The following ATR variants were observed in gnomAD, a reference collection of about 807,000 sequenced individuals.
ATR encodes serine/threonine-protein kinase ATR.
A neutral mutation model predicts 305.3 loss-of-function variants in ATR; 142 were observed. The observed-to-expected ratio is 0.47, with a 90% CI of 0.41 to 0.53. The LOEUF is 0.53. Among genes scored for constraint, ATR ranks in the 20% least tolerant of loss-of-function variants. The pLI, the probability that ATR is intolerant of heterozygous loss-of-function variation, is 0.00. For missense variants in ATR, 2,135 were observed against 3,133.1 expected, an observed-to-expected ratio of 0.68 and a Z score of 7.60; for synonymous variants, 1,050 against 1,068.1, an observed-to-expected ratio of 0.98 and a Z score of 0.33.
Position 142,558,577 on chromosome 3 carries a change from GATAGATAA to G in ATR, c.1885+39_1885+46del, listed in dbSNP as rs761458670. On this transcript the variant is annotated intron_variant, in intron 8 of 46. Coordinates refer to ENST00000350721, the MANE Select transcript of ATR (RefSeq NM_001184.4). ...AAATAAATAGATAGATAGATAGATA[GATAGATAA>G]ATAAAACAAACCACACACACATTCT... The G allele has an allele frequency of 5.8e-5, 86 of 1,481,216 alleles. 1 individual carries two copies. The highest frequency in any genetic ancestry group is 5.1e-4 in the African/African-American group (37 of 71,956). The allele number at this position is 1,481,216 out of a possible 1,614,324, so 91.8% of individuals were successfully genotyped here.
At chr3:142,522,175 T>C (rs1334497432) in intron 23 of ATR, among the ~76,000 whole-genome samples, 1 of 152,212 alleles carries the variant, frequency 6.6e-6, no homozygotes, top group Non-Finnish European at 1.5e-5. Flanking sequence ...AGAAGATGGT[T>C]AGCATTTTTT....
chr3:142,452,316 A>T, intron 46 of ATR: 1 of 987,864 alleles, frequency 1.0e-6, no homozygotes, highest in African/African-American at 1.7e-5. Context: ...TACAAGACTT[A>T]TTAAAGATGT....
At chr3:142,519,637 T>C in intron 24 of ATR, 32 bp downstream of exon 24, 1 of 1,557,286 alleles carries the variant, frequency 6.4e-7, no homozygotes, top group Non-Finnish European at 8.8e-7. Flanking sequence ...TAAAAACAAT[T>C]TTATGAAAAT....
intron 28 of ATR, among the ~76,000 whole-genome samples, chr3:142,506,153 T>C (rs2032223845): frequency 6.6e-6 from 1 of 152,142 alleles, no homozygotes; most frequent in Non-Finnish European, 1.5e-5. Flanking sequence ...AAGAAGTGAC[T>C]GCAGTATAAA....
intron 36 of ATR, among the ~76,000 whole-genome samples, chr3:142,470,806 T>C (rs1372614392): frequency 1.3e-5 from 2 of 152,182 alleles, no homozygotes; most frequent in Admixed American, 6.5e-5. Flanking sequence ...TTCTGCACCA[T>C]CCTACAAACC....
Position 142,553,210 on chromosome 3 carries a change from C to A in ATR, c.2805+17G>T. ...GTACTGCTGTTGCCTATAGTCCAGA[C>A]AAACGCTGACTCTTACCTGACAGAT... On this transcript the variant is annotated intron_variant, in intron 13 of 46. Coordinates refer to ENST00000350721, the MANE Select transcript of ATR (RefSeq NM_001184.4). 1.2e-6 allele frequency: 2 copies of A among 1,613,646 alleles called. No individual in the cohort carries two copies. The highest frequency in any genetic ancestry group is 2.2e-5 in the East Asian group (1 of 44,866).
chr3:142,455,883 CAAATT>C (rs1440201767), intron 45 of ATR, among the ~76,000 whole-genome samples: 2 of 152,120 alleles, frequency 1.3e-5, no homozygotes, highest in African/African-American at 4.8e-5. Flanking sequence ...AAGAAAAAAA[CAAATT>C]AGACTGCATC....
chr3:142,568,101 C>T lies in ATR; in HGVS notation c.113G>A (p.Cys38Tyr). The change falls in exon 2 of 47, where the codon TGT becomes TAT. Residue 38 changes from cysteine to tyrosine, a missense_variant. Transcript: ENST00000350721. ...TVVQKPRQIL[C>Y]QFIDRILTDV... ...TGTAAGTATCCGGTCAATGAATTGA[C>T]ACAGAATTTGTCTTGGCTTCTGTAC... 6.2e-7 allele frequency: 1 copy of T among 1,612,526 alleles called. No individual in the cohort carries two copies. The highest frequency in any genetic ancestry group is 8.5e-7 in the Non-Finnish European group (1 of 1,179,056).
intron 44 of ATR, 63 bp downstream of exon 44, chr3:142,458,895 C>T (rs563169447): frequency 5.8e-6 from 9 of 1,552,860 alleles, no homozygotes; most frequent in South Asian, 1.1e-5. Flanking sequence ...AAGGAAGATA[C>T]AGTTGTTGAG....
At chr3:142,543,195 A>G (rs2034120031) in intron 16 of ATR, among the ~76,000 whole-genome samples, 2 of 152,240 alleles carry the variant, frequency 1.3e-5, no homozygotes, top group South Asian at 4.1e-4. Flanking sequence ...GTATTCTACC[A>G]GAATAATGAT....
At chr3:142,468,736 T>C (rs1384110583) in intron 38 of ATR, among the ~76,000 whole-genome samples, 3 of 152,168 alleles carry the variant, frequency 2.0e-5, no homozygotes, top group Admixed American at 6.5e-5. Flanking sequence ...ATGCCTGTAA[T>C]TCCAGCACTT....
At position 142,498,727 on chromosome 3, in the gene ATR, A is replaced by C; in HGVS notation, c.5428T>G (p.Ser1810Ala). ...GCTGTGATATCTCTTTTTTTGGCTG[A>C]TAATAATAGCTGTCCCAGTCTGACA... ...WSVRLGQLLL[S>A]AKKRDITAFY... The change falls in exon 32 of 47, where the codon TCA becomes GCA. Residue 1810 changes from serine to alanine, a missense_variant. This residue lies in a region of ATR where 117 missense variants were observed against 198.3 expected (regional missense o/e 0.59). Coordinates refer to ENST00000350721, the MANE Select transcript of ATR (RefSeq NM_001184.4). 1.2e-6 allele frequency: 2 copies of C among 1,614,056 alleles called. No individual in the cohort carries two copies. Among genetic ancestry groups the C allele is most frequent in the Non-Finnish European group, 8.5e-7 (1 of 1,179,986 alleles).
chr3:142,505,876 A>G (rs1393706351), intron 28 of ATR, among the ~76,000 whole-genome samples: 1 of 152,240 alleles, frequency 6.6e-6, no homozygotes, highest in African/African-American at 2.4e-5. Context: ...ACATTTATCA[A>G]GAAGGAAGAG....
At chr3:142,451,788 T>C in intron 46 of ATR, 1 of 1,216,352 alleles carries the variant, frequency 8.2e-7, no homozygotes, top group Non-Finnish European at 1.0e-6. Context: ...CAGGGCTGGC[T>C]TTGTCCAGTT....
chr3:142,500,542 C>T (rs989763177), intron 30 of ATR, among the ~76,000 whole-genome samples: 2 of 152,106 alleles, frequency 1.3e-5, no homozygotes, highest in African/African-American at 2.4e-5. Context: ...CTGCATACAG[C>T]ACATATATAT....
chr3:142,540,864 CAAA>C (rs201551475), intron 18 of ATR, 37 bp downstream of exon 18: 20 of 1,386,940 alleles, frequency 1.4e-5, no homozygotes, highest in Admixed American at 6.4e-5. Flanking sequence ...CTGGAAAATG[CAAA>C]AAAAAAAAAA....
chr3:142,480,082 C>G (rs1010549568), intron 36 of ATR, among the ~76,000 whole-genome samples: 1 of 152,258 alleles, frequency 6.6e-6, no homozygotes, highest in African/African-American at 2.4e-5. Context: ...CTTCTTCTCT[C>G]AACTCGTCAA....
Position 142,529,776 on chromosome 3 carries a change from T to C in ATR, c.3945+5304A>G, listed in dbSNP as rs551318202. On this transcript the variant is annotated intron_variant, in intron 21 of 46. Transcript: ENST00000350721. ...CTAGGCCCACTCTGTACATTCCTAC[T>C]GAGAATTCTGATACCAATCTACTTT... 2.0e-5 allele frequency among the ~76,000 whole-genome samples: 3 copies of C among 152,306 alleles called. No homozygotes were observed. In the South Asian group the frequency reaches 6.2e-4, roughly 32 times the overall value.
chr3:142,502,125 G>T (rs1471361242), intron 30 of ATR, among the ~76,000 whole-genome samples: 3 of 152,284 alleles, frequency 2.0e-5, no homozygotes, highest in African/African-American at 4.8e-5. Context: ...CACTGTTGGT[G>T]GGAATATAAA....
Sources: allele counts gnomAD v4.1 joint callset (sites outside exome capture counted in the v4.1 genomes callset), GRCh38; gene constraint gnomAD v4.1.1; regional missense constraint gnomAD v4.1.1; transcripts MANE v1.5; gene names NCBI Gene and HGNC (gene_info 2026-07-23, HGNC 2026-07-21).